Variants in SPIDR observed in about 807,000 individuals in gnomAD.
SPIDR encodes the protein scaffold protein involved in DNA repair.
A neutral mutation model predicts 104.6 loss-of-function variants in SPIDR; 93 were observed. The observed-to-expected ratio is 0.89, with a 90% CI of 0.75 to 1.06. SPIDR has a LOEUF of 1.06. SPIDR is among the 50% of genes least tolerant of loss of function. The pLI, the probability that SPIDR is intolerant of heterozygous loss-of-function variation, is 0.00. For synonymous variants in SPIDR, 431 were observed against 416.9 expected, an observed-to-expected ratio of 1.03 and a Z score of -0.41; for missense variants, 1,154 against 1,111.2, an observed-to-expected ratio of 1.04 and a Z score of -0.55.
chr8:47,349,411 G>C (rs1462161017), intron 5 of SPIDR, among the ~76,000 whole-genome samples: 3 of 152,234 alleles, frequency 2.0e-5, no homozygotes, highest in African/African-American at 7.2e-5. Flanking sequence ...TCCCAGTTAG[G>C]CTGCTTGGGG....
intron 8 of SPIDR, among the ~76,000 whole-genome samples, chr8:47,486,356 A>G (rs1248677159): frequency 6.6e-6 from 1 of 152,228 alleles, no homozygotes; most frequent in Non-Finnish European, 1.5e-5. Context: ...GACTATGTGA[A>G]AAGACCAAAT....
intron 10 of SPIDR, among the ~76,000 whole-genome samples, chr8:47,633,186 G>A (rs919660992): frequency 2.6e-5 from 4 of 152,190 alleles, no homozygotes; most frequent in Admixed American, 2.0e-4. Flanking sequence ...CTTAACTTGT[G>A]AGAAACCTGG....
At chr8:47,447,358 C>A (rs1235553338) in intron 8 of SPIDR, among the ~76,000 whole-genome samples, 1 of 152,066 alleles carries the variant, frequency 6.6e-6, no homozygotes, top group East Asian at 1.9e-4. Context: ...GGATTACAGG[C>A]GTGTGCCACC....
In SPIDR at chr8:47,599,118, T is replaced by G. The variant is rs771611865; in HGVS notation, c.1466T>G (p.Val489Gly). 7 of 1,611,778 alleles carry G rather than the reference T, an allele frequency of 4.3e-6. No homozygotes were observed. The highest frequency in any genetic ancestry group is 5.9e-6 in the Non-Finnish European group (7 of 1,179,320). The change falls in exon 10 of 20, where the codon GTG becomes GGG. Residue 489 changes from valine to glycine, a missense_variant. Coordinates refer to ENST00000297423, the MANE Select transcript of SPIDR (RefSeq NM_001080394.4). ...GGAGTCCGAGTGGTGGTGCAAAGAGTGTATTCTCTTCCCAGCAGAGACAGC... is the reference window on the plus strand; with the variant it reads ...GGAGTCCGAGTGGTGGTGCAAAGAGGGTATTCTCTTCCCAGCAGAGACAGC... ...GAGVRVVVQR[V>G]YSLPSRDSTR...
intron 8 of SPIDR, among the ~76,000 whole-genome samples, chr8:47,452,999 G>A (rs542280822): frequency 3.9e-5 from 6 of 152,272 alleles, no homozygotes; most frequent in Non-Finnish European, 7.4e-5. Flanking sequence ...AAGCTGATAA[G>A]CAGCTTCAGC....
chr8:47,715,532 T>A (rs1276290162), intron 16 of SPIDR, among the ~76,000 whole-genome samples: 1 of 152,192 alleles, frequency 6.6e-6, no homozygotes, highest in Non-Finnish European at 1.5e-5. Context: ...CAAAAATAAT[T>A]GTGGTTTTTG....
At chr8:47,300,443 T>C (rs2041858829) in intron 5 of SPIDR, among the ~76,000 whole-genome samples, 2 of 152,324 alleles carry the variant, frequency 1.3e-5, no homozygotes, top group South Asian at 2.1e-4. Context: ...TTTTTGTGTC[T>C]CTATTTCCTT....
intron 6 of SPIDR, among the ~76,000 whole-genome samples, chr8:47,398,941 C>T (rs912928158): frequency 6.6e-5 from 10 of 152,282 alleles, no homozygotes; most frequent in African/African-American, 1.2e-4. Flanking sequence ...TGTGATTCCA[C>T]GGTGAAAGGC....
At chr8:47,415,162 C>G (rs2064069510) in intron 7 of SPIDR, among the ~76,000 whole-genome samples, 2 of 152,200 alleles carry the variant, frequency 1.3e-5, no homozygotes, top group South Asian at 2.1e-4. Flanking sequence ...CTCGGCCTCC[C>G]AGAGTGCTGG....
chr8:47,683,243 C>CGACTGT (rs2077318341), intron 11 of SPIDR, among the ~76,000 whole-genome samples: 2 of 152,230 alleles, frequency 1.3e-5, no homozygotes, highest in Admixed American at 6.5e-5. Context: ...GCTTTGACTA[C>CGACTGT]AGTCTTCTGT....
intron 8 of SPIDR, among the ~76,000 whole-genome samples, chr8:47,447,831 C>A (rs1333377504): frequency 1.3e-5 from 2 of 152,190 alleles, no homozygotes; most frequent in African/African-American, 4.8e-5. Context: ...CAAGGCAAGA[C>A]CCTCTCTCAG....
chr8:47,361,258 A>G (rs1023079528), intron 5 of SPIDR, among the ~76,000 whole-genome samples: 1 of 152,240 alleles, frequency 6.6e-6, no homozygotes, highest in Non-Finnish European at 1.5e-5. Flanking sequence ...TGAATTTATC[A>G]TGGGAATAAA....
At chr8:47,494,498 TGAAC>T (rs2079159818) in intron 8 of SPIDR, among the ~76,000 whole-genome samples, 1 of 152,172 alleles carries the variant, frequency 6.6e-6, no homozygotes, top group African/African-American at 2.4e-5. Flanking sequence ...TTACACTGAA[TGAAC>T]GGTTTGTTTA....
chr8:47,299,545 G>A (rs2041616838), intron 5 of SPIDR, among the ~76,000 whole-genome samples: 1 of 152,116 alleles, frequency 6.6e-6, no homozygotes, highest in Admixed American at 6.6e-5. Context: ...CAAAGGGAAT[G>A]CTTCCAGTTT....
intron 10 of SPIDR, among the ~76,000 whole-genome samples, chr8:47,637,103 G>A (rs1563385015): frequency 6.6e-6 from 1 of 152,084 alleles, no homozygotes; most frequent in Non-Finnish European, 1.5e-5. Context: ...TACTTTATTC[G>A]CATTTCCTTA....
chr8:47,610,396 C>G (rs1230200982), intron 10 of SPIDR, among the ~76,000 whole-genome samples: 3 of 152,214 alleles, frequency 2.0e-5, no homozygotes, highest in Non-Finnish European at 4.4e-5. Context: ...CAGATGCAAG[C>G]ACACAGTGCC....
At chr8:47,703,137 G>A (rs575186145) in intron 14 of SPIDR, among the ~76,000 whole-genome samples, 1 of 152,266 alleles carries the variant, frequency 6.6e-6, no homozygotes, top group African/African-American at 2.4e-5. Flanking sequence ...ATTTCACCCC[G>A]ACACGCTTGT....
chr8:47,272,997 T>C (rs2035643174), intron 1 of SPIDR, among the ~76,000 whole-genome samples: 1 of 152,248 alleles, frequency 6.6e-6, no homozygotes, highest in African/African-American at 2.4e-5. Context: ...TTTTCCCCTC[T>C]TCTCTCATGC....
intron 1 of SPIDR, among the ~76,000 whole-genome samples, chr8:47,269,326 C>T (rs1316279235): frequency 1.3e-5 from 2 of 151,950 alleles, no homozygotes; most frequent in African/African-American, 4.8e-5. Flanking sequence ...GGTACCATCT[C>T]AGCTCGCTGC....
Sources: allele counts gnomAD v4.1 joint callset (sites outside exome capture counted in the v4.1 genomes callset), GRCh38; gene constraint gnomAD v4.1.1; transcripts MANE v1.5; gene names NCBI Gene and HGNC (gene_info 2026-07-23, HGNC 2026-07-21).